CCAR1: variants seen among roughly 807,000 people sequenced by gnomAD.
CCAR1 encodes cell division cycle and apoptosis regulator protein 1.
A neutral mutation model predicts 163.8 loss-of-function variants in CCAR1; 78 were observed. That is an observed-to-expected ratio of 0.48 (90% CI 0.40 to 0.57). The LOEUF (loss-of-function observed/expected upper bound fraction) is 0.57. CCAR1 is among the 20% of genes least tolerant of loss of function. CCAR1 has a pLI of 0.00. For synonymous variants in CCAR1, 443 were observed against 460.7 expected, an observed-to-expected ratio of 0.96 and a Z score of 0.49; for missense variants, 1,019 against 1,365.2, an observed-to-expected ratio of 0.75 and a Z score of 4.00.
Position 68,754,722 on chromosome 10 carries a change from G to A in CCAR1, c.1353G>A (p.Leu451=), listed in dbSNP as rs2056377862. ...TTATTTGACTATAATAGGTAATGCT[G>A]ATGGCTAGCCCTAGTATGGAAGATT... The part of the protein sequence containing the change: ...ADHLYSAKVM[L]MASPSMEDLY... Residue 451 remains leucine, a synonymous_variant, in exon 12 of 25, where the codon CTG becomes CTA. Transcript: ENST00000265872. 1 of 1,590,980 alleles carries A rather than the reference G, an allele frequency of 6.3e-7. No homozygotes were observed. The highest frequency in any genetic ancestry group is 8.6e-7 in the Non-Finnish European group (1 of 1,160,318).
intron 10 of CCAR1, among the ~76,000 whole-genome samples, chr10:68,752,877 G>A (rs2056349012): frequency 7.0e-6 from 1 of 143,000 alleles, no homozygotes; most frequent in Non-Finnish European, 1.5e-5. Flanking sequence ...CCTGTAGATA[G>A]GATAGAATAG....
intron 8 of CCAR1, among the ~76,000 whole-genome samples, chr10:68,748,654 T>A (rs1454919606): frequency 3.4e-4 from 51 of 151,880 alleles, no homozygotes; most frequent in African/African-American, 1.2e-3. Flanking sequence ...CCCGCCAGCC[T>A]AATTTTTGTA....
At chr10:68,748,325 A>G (rs1022083110) in intron 8 of CCAR1, among the ~76,000 whole-genome samples, 35 of 152,002 alleles carry the variant, frequency 2.3e-4, no homozygotes, top group Non-Finnish European at 7.4e-5. Flanking sequence ...GCTTGAACCC[A>G]GGAGGCGGAG....
intron 15 of CCAR1, among the ~76,000 whole-genome samples, chr10:68,758,858 A>G (rs1694335): frequency 0.66 from 99,975 of 150,946 alleles, 33,798 homozygotes; most frequent in Non-Finnish European, 0.73. Flanking sequence ...TGTTTAGTAG[A>G]GATGGGGTTT....
chr10:68,750,480 C>T (rs776215347), intron 10 of CCAR1, among the ~76,000 whole-genome samples: 1 of 152,132 alleles, frequency 6.6e-6, no homozygotes, highest in Non-Finnish European at 1.5e-5. Context: ...CTGCCTGGCC[C>T]TCCCAAAGTG....
intron 5 of CCAR1, among the ~76,000 whole-genome samples, 199 bp downstream of exon 5, chr10:68,740,860 G>C (rs1374280317): frequency 2.0e-5 from 3 of 151,308 alleles, no homozygotes; most frequent in African/African-American, 4.8e-5. Context: ...CTGTGATACA[G>C]TTTGAATAAA....
chr10:68,786,771 G>A, intron 21 of CCAR1, 79 bp downstream of exon 21: 1 of 1,279,296 alleles, frequency 7.8e-7, no homozygotes, highest in Non-Finnish European at 1.1e-6. Context: ...TAGAACCTCT[G>A]TTGACTTTTT....
At chr10:68,737,198 C>T (rs769474372) in intron 3 of CCAR1, 150 bp downstream of exon 3, 18 of 656,332 alleles carry the variant, frequency 2.7e-5, no homozygotes, top group Non-Finnish European at 4.5e-5. Flanking sequence ...TATATCTGAC[C>T]AGCATATATA....
chr10:68,724,430 A>C (rs958798884), intron 2 of CCAR1, among the ~76,000 whole-genome samples: 1 of 151,960 alleles, frequency 6.6e-6, no homozygotes, highest in Non-Finnish European at 1.5e-5. Flanking sequence ...GCAACGCTAC[A>C]CTCCAGTCTG....
At chr10:68,729,826 T>C (rs996686211) in intron 2 of CCAR1, among the ~76,000 whole-genome samples, 1 of 152,174 alleles carries the variant, frequency 6.6e-6, no homozygotes, top group Non-Finnish European at 1.5e-5. Context: ...ATTTGAACTC[T>C]TGGATGGAAG....
At chr10:68,786,513 A>G (rs1204692189) in intron 20 of CCAR1, 33 bp from the exon 21 acceptor site, 3 of 1,496,954 alleles carry the variant, frequency 2.0e-6, no homozygotes, top group Non-Finnish European at 2.7e-6. Context: ...TTGAAATTTG[A>G]ATACTATGTT....
Position 68,756,399 on chromosome 10 carries a change from A to G in CCAR1, c.1752A>G (p.Ser584=). 6.2e-7 allele frequency: 1 copy of G among 1,613,940 alleles called. No homozygotes were observed. Among genetic ancestry groups the G allele is most frequent in the Non-Finnish European group, 8.5e-7 (1 of 1,179,886 alleles). Residue 584 remains serine, a synonymous_variant, in exon 14 of 25, where the codon TCA becomes TCG. Coordinates refer to ENST00000265872, the MANE Select transcript of CCAR1 (RefSeq NM_018237.4). This position sits in a 1 kb window ranked among gnomAD's most constrained non-coding sequence, Gnocchi z 5.1. The stretch of plus-strand genomic sequence containing the variant: ...TTTGGCATTGCCTTCCCACCCGCTC[A>G]GAGTGGGAAACCCTCTCCCGAGGAT... The part of the protein sequence containing the change: ...PDVWHCLPTR[S]EWETLSRGYK...
chr10:68,762,593 C>T (rs2056487158), intron 16 of CCAR1, among the ~76,000 whole-genome samples: 2 of 152,146 alleles, frequency 1.3e-5, no homozygotes, highest in South Asian at 4.1e-4. Flanking sequence ...TGTGTTTTAG[C>T]ACCAGTAATT....
chr10:68,741,143 C>T (rs1040790648), intron 5 of CCAR1, among the ~76,000 whole-genome samples: 1 of 151,970 alleles, frequency 6.6e-6, no homozygotes, highest in Admixed American at 6.6e-5. Flanking sequence ...CGCCTAAGGT[C>T]CAGACCTTAG....
At chr10:68,762,653 A>G (rs1393574053) in intron 16 of CCAR1, among the ~76,000 whole-genome samples, 1 of 152,240 alleles carries the variant, frequency 6.6e-6, no homozygotes, top group Non-Finnish European at 1.5e-5. Context: ...TAAAGTACAC[A>G]TCATTATTTA....
intron 2 of CCAR1, among the ~76,000 whole-genome samples, chr10:68,722,852 G>T (rs2055879097): frequency 6.6e-6 from 1 of 152,042 alleles, no homozygotes; most frequent in Non-Finnish European, 1.5e-5. Flanking sequence ...AACCCGGGAG[G>T]TGGAGGTTGC....
intron 19 of CCAR1, among the ~76,000 whole-genome samples, chr10:68,775,505 T>C (rs1304316645): frequency 3.3e-5 from 5 of 150,328 alleles, no homozygotes; most frequent in South Asian, 2.1e-4. Context: ...TTCTTTTTTT[T>C]TTTTTTTTTG....
intron 2 of CCAR1, among the ~76,000 whole-genome samples, chr10:68,725,303 A>G (rs2055926498): frequency 6.6e-6 from 1 of 152,100 alleles, no homozygotes; most frequent in Non-Finnish European, 1.5e-5. Flanking sequence ...CTCTCTACTA[A>G]AAATACAAAA....
chr10:68,739,224 G>A (rs925835509), intron 4 of CCAR1, among the ~76,000 whole-genome samples: 10 of 151,988 alleles, frequency 6.6e-5, no homozygotes, highest in African/African-American at 1.7e-4. Context: ...ATCTTGGCTC[G>A]CTGCAACCTC....
Sources: gnomAD v4.1 joint callset for allele counts (sites outside exome capture counted in the v4.1 genomes callset) on GRCh38, gnomAD v4.1.1 for gene constraint, Gnocchi (gnomAD v3.1) non-coding constraint, MANE v1.5 for transcripts, NCBI Gene and HGNC (gene_info 2026-07-23, HGNC 2026-07-21) for gene names.